The following SEPTIN10 variants were observed in gnomAD, a reference collection of about 807,000 sequenced individuals.
The protein encoded by SEPTIN10 is septin 10.
Under a neutral mutation model 54.8 loss-of-function variants are expected in SEPTIN10, and 66 were observed. That is an observed-to-expected ratio of 1.21 (90% CI 0.99 to 1.48). The LOEUF (loss-of-function observed/expected upper bound fraction) is 1.48, where lower values mean the gene tolerates loss of function less well. Ranked by LOEUF, SEPTIN10 falls within the 40% of genes most tolerant of loss-of-function variation. SEPTIN10 has a pLI of 0.00. For missense variants in SEPTIN10, 620 were observed against 545.6 expected, an observed-to-expected ratio of 1.14 and a Z score of -1.36; for synonymous variants, 161 against 181.0, an observed-to-expected ratio of 0.89 and a Z score of 0.89.
chr2:109,602,698 AG>A (rs1388148571), intron 1 of SEPTIN10, among the ~76,000 whole-genome samples: 3 of 150,372 alleles, frequency 2.0e-5, no homozygotes, highest in African/African-American at 7.3e-5. Context: ...AAAAAAAAAA[AG>A]GATTACTAGA....
rs1337708105 is a variant in SEPTIN10 at position 109,607,427 on chromosome 2, G to A, written c.30+6371C>T. ...CATGGATCATGCATTCTCAATGGGG[G>A]CAGTACCTGTATTATCTCTCCCCCT... On this transcript the variant is annotated intron_variant, in intron 1 of 10. Coordinates refer to ENST00000397712, the MANE Select transcript of SEPTIN10 (RefSeq NM_144710.5). Among the ~76,000 whole-genome samples, 3 of 152,088 alleles carry A rather than the reference G, an allele frequency of 2.0e-5. No homozygotes were observed. The East Asian group carries it at 5.8e-4, about 29-fold the overall frequency.
intron 8 of SEPTIN10, among the ~76,000 whole-genome samples, chr2:109,562,489 T>C (rs1685929922): frequency 6.6e-6 from 1 of 151,792 alleles, no homozygotes; most frequent in Non-Finnish European, 1.5e-5. Flanking sequence ...ATGACTAGCA[T>C]TTGGCTGAGC....
At chr2:109,553,999 G>A (rs1038546593) in intron 8 of SEPTIN10, among the ~76,000 whole-genome samples, 1 of 152,102 alleles carries the variant, frequency 6.6e-6, no homozygotes, top group Non-Finnish European at 1.5e-5. Context: ...ATATAAACAA[G>A]AATTAAGTTC....
chr2:109,590,080 A>G (rs1352010531), intron 2 of SEPTIN10, among the ~76,000 whole-genome samples: 2 of 149,472 alleles, frequency 1.3e-5, no homozygotes, highest in Non-Finnish European at 3.0e-5. Context: ...ACACATATAT[A>G]TGTATATATA....
rs144594532 is a variant in SEPTIN10 at position 109,580,992 on chromosome 2, T to TG, written c.413+4133dup. On this transcript the variant is annotated intron_variant, in intron 4 of 10. Coordinates refer to ENST00000397712, the MANE Select transcript of SEPTIN10 (RefSeq NM_144710.5). Reference sequence around the variant, plus strand: ...GCACAGGCAGGAAGCACTGCACATCTGGAGAGGGCCCCCAAGTCCCTGGCT... The same window carrying TG: ...GCACAGGCAGGAAGCACTGCACATCTGGGAGAGGGCCCCCAAGTCCCTGGCT... Among the ~76,000 whole-genome samples the TG allele has an allele frequency of 4.8e-3, 736 of 152,302 alleles. 5 individuals carry two copies. Among genetic ancestry groups the TG allele is most frequent in the African/African-American group, 0.017 (703 of 41,570 alleles).
At position 109,580,642 on chromosome 2, in the gene SEPTIN10, A is replaced by C. The variant is rs552211644; in HGVS notation, c.413+4484T>G. Among the ~76,000 whole-genome samples, 166 of 152,332 alleles carry C rather than the reference A, an allele frequency of 1.1e-3. 1 individual carries two copies. The highest frequency in any genetic ancestry group is 3.8e-3 in the African/African-American group (158 of 41,584). On this transcript the variant is annotated intron_variant, in intron 4 of 10. Coordinates refer to ENST00000397712, the MANE Select transcript of SEPTIN10 (RefSeq NM_144710.5). Reference sequence around the variant, plus strand: ...ATTAACAATGAAAGAAAGAAAAATAAAGCCTGTCTTCAGTCATGATAGAGG... The same window carrying C: ...ATTAACAATGAAAGAAAGAAAAATACAGCCTGTCTTCAGTCATGATAGAGG...
chr2:109,562,445 G>A (rs1685915371), intron 8 of SEPTIN10, among the ~76,000 whole-genome samples: 1 of 151,608 alleles, frequency 6.6e-6, no homozygotes, highest in South Asian at 2.1e-4. Flanking sequence ...CACAAGCAGG[G>A]TCTCTATTTG....
In SEPTIN10 at chr2:109,578,111, C is replaced by G. The variant is rs139928044; in HGVS notation, c.414-3344G>C. ...AACCACTATAAGCATAGAAATCAGG[C>G]AAGAAAGGAAAAATAAATATAGAAC... On this transcript the variant is annotated intron_variant, in intron 4 of 10. Coordinates refer to ENST00000397712, the MANE Select transcript of SEPTIN10 (RefSeq NM_144710.5). Among the ~76,000 whole-genome samples the G allele has an allele frequency of 3.8e-3, 580 of 151,184 alleles. 5 individuals are homozygous for G. The highest frequency in any genetic ancestry group is 0.013 in the African/African-American group (542 of 41,098).
Position 109,553,158 on chromosome 2 carries a change from C to T in SEPTIN10, c.1090G>A (p.Glu364Lys), listed in dbSNP as rs1228378333. 1 of 1,613,988 alleles carries T rather than the reference C, an allele frequency of 6.2e-7. No individual in the cohort carries two copies. The highest frequency in any genetic ancestry group is 2.2e-5 in the East Asian group (1 of 44,892). Residue 364 changes from glutamate to lysine, a missense_variant, in exon 9 of 11, where the codon GAA becomes AAA. Transcript: ENST00000397712. ...EFHGERQRKE[E>K]EMKQMFVQRV... ...TGCACAAACATCTGTTTCATTTCTT[C>T]TTCCTTCCTCTGACGTTCACCATGG...
At chr2:109,597,333 T>C (rs1695531318) in intron 1 of SEPTIN10, among the ~76,000 whole-genome samples, 1 of 152,216 alleles carries the variant, frequency 6.6e-6, no homozygotes, top group African/African-American at 2.4e-5. Flanking sequence ...TGTGTAGGGC[T>C]AAGAAACACT....
chr2:109,574,739 C>G lies in SEPTIN10; in HGVS notation c.442G>C (p.Ala148Pro), dbSNP rs1439480964. 2.5e-6 allele frequency: 4 copies of G among 1,596,648 alleles called. No individual in the cohort carries two copies. The highest frequency in any genetic ancestry group is 3.4e-6 in the Non-Finnish European group (4 of 1,172,588). ...SYQPIVDYIDAQFEAYLQEEL... is the reference protein window; with the variant it reads ...SYQPIVDYIDPQFEAYLQEEL... Reference sequence around the variant, plus strand: ...TCTTGGAGATAGGCCTCAAACTGAGCATCTATGTAGTCAACTATTGGTTGG... The same window carrying G: ...TCTTGGAGATAGGCCTCAAACTGAGGATCTATGTAGTCAACTATTGGTTGG... Residue 148 changes from alanine (A) to proline (P), a missense_variant, in exon 5 of 11, where the codon GCT (alanine) becomes CCT (proline). By Grantham distance (27) the Ala-to-Pro change is conservative. Transcript: ENST00000397712.
Position 109,544,182 on chromosome 2 carries a change from T to C in SEPTIN10, c.*127A>G. 1 of 1,593,508 alleles carries C rather than the reference T, an allele frequency of 6.3e-7. No individual in the cohort carries two copies. The highest frequency in any genetic ancestry group is 8.5e-7 in the Non-Finnish European group (1 of 1,170,262). On this transcript the variant is annotated 3_prime_UTR_variant, in exon 11 of 11. Coordinates refer to ENST00000397712, the MANE Select transcript of SEPTIN10 (RefSeq NM_144710.5). Reference sequence around the variant, plus strand: ...GAAAGTACTTTTCCATAAATATCAGTAACTGTGGCTGTTCACCAAATATAG... The same window carrying C: ...GAAAGTACTTTTCCATAAATATCAGCAACTGTGGCTGTTCACCAAATATAG...
chr2:109,566,971 C>A (rs992349240), intron 6 of SEPTIN10, among the ~76,000 whole-genome samples: 1 of 151,922 alleles, frequency 6.6e-6, no homozygotes, highest in Non-Finnish European at 1.5e-5. Context: ...GATGTAAAGA[C>A]AATTTAACAT....
At chr2:109,565,664 AT>A in intron 7 of SEPTIN10, 98 bp downstream of exon 7, 1 of 1,050,960 alleles carries the variant, frequency 9.5e-7, no homozygotes, top group Non-Finnish European at 1.5e-6. Context: ...CTGACAACCA[AT>A]CACATCCAAA....
chr2:109,583,837 C>T (rs1235480269), intron 4 of SEPTIN10, among the ~76,000 whole-genome samples: 1 of 152,072 alleles, frequency 6.6e-6, no homozygotes, highest in Non-Finnish European at 1.5e-5. Context: ...TCTTTTGTAC[C>T]AACATGGATG....
chr2:109,562,196 C>T (rs1685809783), intron 8 of SEPTIN10, among the ~76,000 whole-genome samples: 1 of 151,508 alleles, frequency 6.6e-6, no homozygotes, highest in Non-Finnish European at 1.5e-5. Context: ...CTGGGCAACA[C>T]AGTGAGACTC....
intron 2 of SEPTIN10, among the ~76,000 whole-genome samples, chr2:109,591,095 T>C (rs1183060670): frequency 6.6e-6 from 1 of 152,252 alleles, no homozygotes; most frequent in Non-Finnish European, 1.5e-5. Flanking sequence ...CTATATTCTC[T>C]TTTGTGCCAT....
chr2:109,565,705 G>A, intron 7 of SEPTIN10, 58 bp downstream of exon 7: 1 of 1,378,778 alleles, frequency 7.3e-7, no homozygotes, highest in Non-Finnish European at 1.0e-6. Flanking sequence ...AGGCATGACA[G>A]GTAGCTTTGA....
At position 109,564,421 on chromosome 2, in the gene SEPTIN10, A is replaced by T. The variant is rs772167903; in HGVS notation, c.973T>A (p.Cys325Ser). 1 of 1,595,626 alleles carries T rather than the reference A, an allele frequency of 6.3e-7. No individual in the cohort carries two copies. The highest frequency in any genetic ancestry group is 1.1e-5 in the South Asian group (1 of 87,100). Residue 325 changes from cysteine to serine, a missense_variant, in exon 8 of 11, where the codon TGC (cysteine) becomes AGC (serine). By Grantham distance (112) the Cys-to-Ser change is moderately radical. Transcript: ENST00000397712. ...GTAAAGCCCATTTCCTCCAGTTTGC[A>T]GCGCCTGTAAAGCTCATAGTGCCTG... ...HTRHYELYRRCKLEEMGFTDV... is the reference protein window; with the variant it reads ...HTRHYELYRRSKLEEMGFTDV...
Sources: gnomAD v4.1 joint callset for allele counts (sites outside exome capture counted in the v4.1 genomes callset) on GRCh38, gnomAD v4.1.1 for gene constraint, MANE v1.5 for transcripts, NCBI Gene and HGNC (gene_info 2026-07-23, HGNC 2026-07-21) for gene names.